The following CAPN9 variants were observed in gnomAD, a reference collection of about 807,000 sequenced individuals.
The protein encoded by CAPN9 is calpain-9.
A neutral mutation model predicts 92.8 loss-of-function variants in CAPN9; 81 were observed. The observed-to-expected ratio is 0.87, with a 90% CI of 0.73 to 1.05. The LOEUF (loss-of-function observed/expected upper bound fraction) is 1.05. CAPN9 is among the 50% of genes least tolerant of loss of function. The pLI is 0.00. For synonymous variants in CAPN9, 304 were observed against 328.0 expected (o/e 0.93, Z 0.79); for missense variants, 848 against 866.2 (o/e 0.98, Z 0.26).
At chr1:230,751,452 A>G (rs1664759494) in intron 1 of CAPN9, among the ~76,000 whole-genome samples, 1 of 150,938 alleles carries the variant, frequency 6.6e-6, no homozygotes, top group Admixed American at 6.6e-5. Context: ...GAAGGAGAGG[A>G]AGAGAGAGAG....
At position 230,780,580 on chromosome 1, in the gene CAPN9, C is replaced by A; in HGVS notation, c.1353C>A (p.Asn451Lys). 1 of 1,614,170 alleles carries A rather than the reference C, an allele frequency of 6.2e-7. No individual in the cohort carries two copies. The highest frequency in any genetic ancestry group is 8.5e-7 in the Non-Finnish European group (1 of 1,180,014). ...GGGCCAGAAGCAAGACGTTCATCAACCTGAGAGAAGTCTCCGACCGGTTCA... is the reference window on the plus strand; with the variant it reads ...GGGCCAGAAGCAAGACGTTCATCAAACTGAGAGAAGTCTCCGACCGGTTCA... ...ASRARSKTFINLREVSDRFKL... is the reference protein window; with the variant it reads ...ASRARSKTFIKLREVSDRFKL... The change falls in exon 11 of 20, where the codon AAC becomes AAA. Residue 451 changes from asparagine (N) to lysine (K), a missense_variant. By Grantham distance (94) the Asn-to-Lys change is moderately conservative (BLOSUM62 0). Coordinates refer to ENST00000271971, the MANE Select transcript of CAPN9 (RefSeq NM_006615.3).
intron 14 of CAPN9, 72 bp downstream of exon 14, chr1:230,790,261 C>T (rs1190227260): frequency 6.9e-5 from 108 of 1,571,664 alleles, no homozygotes; most frequent in Non-Finnish European, 8.9e-5. Context: ...TGGGTCCCCT[C>T]CCTGCTCCTC....
rs28359586 is a variant in CAPN9 at position 230,747,899 on chromosome 1, C to T, written c.213+190C>T. Among the ~76,000 whole-genome samples, 16 of 152,202 alleles carry T rather than the reference C, an allele frequency of 1.1e-4. No individual in the cohort carries two copies. The South Asian group carries it at 2.5e-3, about 24-fold the overall frequency. On this transcript the variant is annotated intron_variant, in intron 1 of 19. Transcript: ENST00000271971. ...TAATGTACAGGCCTGGGATGCTCTG[C>T]GGTGGGGACCCGGGGCATCTGGTTG...
At chr1:230,757,956 C>T (rs1271604820) in intron 2 of CAPN9, among the ~76,000 whole-genome samples, 1 of 152,100 alleles carries the variant, frequency 6.6e-6, no homozygotes, top group East Asian at 1.9e-4. Flanking sequence ...CTGCTCCTCC[C>T]ATAGTGCCCT....
intron 1 of CAPN9, among the ~76,000 whole-genome samples, chr1:230,748,236 G>A (rs1664551894): frequency 6.6e-6 from 1 of 152,204 alleles, no homozygotes; most frequent in Non-Finnish European, 1.5e-5. Flanking sequence ...AGAGATCAGG[G>A]TGAACAGTGC....
chr1:230,773,684 G>T (rs1234101359), intron 7 of CAPN9, among the ~76,000 whole-genome samples: 16 of 152,118 alleles, frequency 1.1e-4, no homozygotes. Flanking sequence ...TTAGGATAAT[G>T]GCTCCAAAAG....
intron 10 of CAPN9, 78 bp from the exon 11 acceptor site, chr1:230,780,422 A>G: frequency 6.3e-7 from 1 of 1,598,122 alleles, no homozygotes; most frequent in Non-Finnish European, 8.6e-7. Context: ...CCGAGACTCA[A>G]CCAAGAGTCC....
chr1:230,769,215 G>T lies in CAPN9; in HGVS notation c.741G>T (p.Pro247=), dbSNP rs28359648. 1 of 1,614,152 alleles carries T rather than the reference G, an allele frequency of 6.2e-7. No homozygotes were observed. The highest frequency in any genetic ancestry group is 8.5e-7 in the Non-Finnish European group (1 of 1,179,982). The stretch of plus-strand genomic sequence containing the variant: ...CTGCAGAATCTGAGGCCCGGACGCC[G>T]TTTGGTCTTATTAAGGGTCATGCCT... ...RSAAESEART[P]FGLIKGHAYS... is the part of the protein sequence containing the mutation. Residue 247 remains proline, a synonymous_variant, in exon 6 of 20, where the codon CCG becomes CCT. Transcript: ENST00000271971.
At chr1:230,787,418 T>G in intron 12 of CAPN9, 104 bp from the exon 13 acceptor site, 2 of 869,768 alleles carry the variant, frequency 2.3e-6, no homozygotes, top group South Asian at 1.5e-5. Context: ...CTCAGGAGGG[T>G]GACATGGGGC....
In CAPN9 at chr1:230,763,212, G is replaced by A. The variant is rs563006352; in HGVS notation, c.536+426G>A. Among the ~76,000 whole-genome samples, 250 of 152,208 alleles carry A rather than the reference G, an allele frequency of 1.6e-3. 1 individual carries two copies. Among genetic ancestry groups the A allele is most frequent in the South Asian group, 2.3e-3 (11 of 4,814 alleles). ...GCTTCTTTTTTATTTTTAAAAAGTC[G>A]TATATGACATATCGATAAATAATCG... On this transcript the variant is annotated intron_variant, in intron 4 of 19. Coordinates refer to ENST00000271971, the MANE Select transcript of CAPN9 (RefSeq NM_006615.3).
At chr1:230,783,279 C>A (rs554582187) in intron 11 of CAPN9, among the ~76,000 whole-genome samples, 5 of 152,186 alleles carry the variant, frequency 3.3e-5, no homozygotes, top group Non-Finnish European at 7.3e-5. Flanking sequence ...GCTGGCTTAA[C>A]TTCTTTTAGT....
intron 19 of CAPN9, among the ~76,000 whole-genome samples, chr1:230,799,949 CG>C (rs1668570398): frequency 6.6e-6 from 1 of 151,690 alleles, no homozygotes; most frequent in Non-Finnish European, 1.5e-5. Context: ...GAGGCTGAGG[CG>C]GGTGAATCAC....
intron 3 of CAPN9, among the ~76,000 whole-genome samples, chr1:230,762,254 CAG>C (rs1665693168): frequency 6.6e-6 from 1 of 152,190 alleles, no homozygotes; most frequent in South Asian, 2.1e-4. Context: ...GAGAGAATAA[CAG>C]AGAACTGGGC....
At chr1:230,787,482 T>C (rs985329945) in intron 12 of CAPN9, 40 bp from the exon 13 acceptor site, 4 of 1,561,482 alleles carry the variant, frequency 2.6e-6, no homozygotes. Flanking sequence ...GTTTCTTTTT[T>C]GTGGATCATT....
chr1:230,780,655 C>G lies in CAPN9; in HGVS notation c.1428C>G (p.His476Gln), dbSNP rs768744335. The stretch of plus-strand genomic sequence containing the variant: ...TGATTCCCAGCACTTTTGAGCCCCA[C>G]CAGGAAGCTGATTTCTGTCTGAGAA... ...YILIPSTFEP[H>Q]QEADFCLRIF... Residue 476 changes from histidine (H) to glutamine (Q), a missense_variant, in exon 11 of 20, where the codon CAC becomes CAG. By Grantham distance (24) the His-to-Gln change is conservative (BLOSUM62 0). Transcript: ENST00000271971. 5.0e-6 allele frequency: 8 copies of G among 1,614,000 alleles called. No homozygotes were observed. The highest frequency in any genetic ancestry group is 5.9e-6 in the Non-Finnish European group (7 of 1,180,014).
At chr1:230,772,133 C>T in intron 7 of CAPN9, 34 bp downstream of exon 7, 1 of 1,575,962 alleles carries the variant, frequency 6.3e-7, no homozygotes, top group Non-Finnish European at 8.7e-7. Context: ...CTGGCTGGTT[C>T]CCGGGGCGTG....
At chr1:230,773,839 T>C (rs1194039307) in intron 7 of CAPN9, among the ~76,000 whole-genome samples, 2 of 152,212 alleles carry the variant, frequency 1.3e-5, no homozygotes, top group African/African-American at 2.4e-5. Flanking sequence ...CCACGTTGGC[T>C]GTAGCACCGC....
intron 6 of CAPN9, 65 bp from the exon 7 acceptor site, chr1:230,771,949 A>G: frequency 1.5e-6 from 2 of 1,337,472 alleles, no homozygotes; most frequent in Non-Finnish European, 2.2e-6. Flanking sequence ...GAGCTCATAG[A>G]TGAATGTGGC....
At chr1:230,762,405 C>T (rs1006280216) in intron 3 of CAPN9, among the ~76,000 whole-genome samples, 6 of 152,220 alleles carry the variant, frequency 3.9e-5, no homozygotes, top group African/African-American at 7.2e-5. Flanking sequence ...GCATCGCCTG[C>T]GGCTTTGATG....
Sources: allele counts gnomAD v4.1 joint callset (sites outside exome capture counted in the v4.1 genomes callset), GRCh38; gene constraint gnomAD v4.1.1; transcripts MANE v1.5; gene names NCBI Gene and HGNC (gene_info 2026-07-23, HGNC 2026-07-21).